The following MAPK9 variants were observed in gnomAD, a reference collection of about 807,000 sequenced individuals.
The protein encoded by MAPK9 is Jun kinase.
Under a neutral mutation model 57.1 loss-of-function variants are expected in MAPK9, and 30 were observed. That is an observed-to-expected ratio of 0.53 (90% CI 0.39 to 0.71). The LOEUF is 0.71. Among genes scored for constraint, MAPK9 ranks in the 30% least tolerant of loss-of-function variants. MAPK9 has a pLI of 0.00. For synonymous variants in MAPK9, 155 were observed against 177.0 expected (o/e 0.88, Z 0.99); for missense variants, 362 against 521.0 (o/e 0.69, Z 2.97).
intron 7 of MAPK9, among the ~76,000 whole-genome samples, chr5:180,245,691 C>T (rs2127579708): frequency 6.6e-6 from 1 of 152,310 alleles, no homozygotes; most frequent in East Asian, 1.9e-4. Flanking sequence ...GAAACCAAGG[C>T]TCAGAGAGGC....
chr5:180,267,090 A>T (rs1438871140), intron 3 of MAPK9, among the ~76,000 whole-genome samples: 1 of 152,240 alleles, frequency 6.6e-6, no homozygotes, highest in East Asian at 1.9e-4. Context: ...AGGATGAAGA[A>T]TAACACGATT....
Position 180,291,995 on chromosome 5 carries a change from C to A in MAPK9, c.-195G>T, listed in dbSNP as rs1028743183. 1 of 156,274 alleles carries A rather than the reference C, an allele frequency of 6.4e-6. No homozygotes were observed. Among genetic ancestry groups the A allele is most frequent in the Non-Finnish European group, 1.3e-5 (1 of 74,182 alleles). 9.7% of individuals were successfully genotyped at this position (156,274 alleles called of 1,614,324 possible). A position where few individuals can be genotyped will look rare whatever the true frequency, so the allele number is the denominator to read the frequency against. On this transcript the variant is annotated 5_prime_UTR_variant, in exon 1 of 12. Transcript: ENST00000452135. ...CCCGCCGCCGCCGCCGCCGCCGCCG[C>A]CGCAGTGGGTGTGAGGGGCGCCGGG... is the stretch of plus-strand genomic sequence containing the variant.
intron 7 of MAPK9, 102 bp from the exon 8 acceptor site, chr5:180,242,857 C>T: frequency 1.2e-6 from 1 of 802,702 alleles, no homozygotes; most frequent in Non-Finnish European, 1.9e-6. Flanking sequence ...CTAGGCCACC[C>T]CACTGGATCA....
At chr5:180,243,587 T>C (rs1265243873) in intron 7 of MAPK9, among the ~76,000 whole-genome samples, 1 of 152,162 alleles carries the variant, frequency 6.6e-6, no homozygotes. Flanking sequence ...CTTAAAAAAG[T>C]GCTCACTGAG....
intron 7 of MAPK9, chr5:180,245,915 G>A (rs986880525): frequency 1.3e-5 from 2 of 152,180 alleles, no homozygotes; most frequent in Non-Finnish European, 2.9e-5. Flanking sequence ...ATATTTGAAA[G>A]AGTTGGCAAA....
At chr5:180,252,554 T>C (rs533911813) in intron 5 of MAPK9, among the ~76,000 whole-genome samples, 36 of 152,108 alleles carry the variant, frequency 2.4e-4, no homozygotes, top group Non-Finnish European at 4.7e-4. Flanking sequence ...TGATTTACTA[T>C]CTTGGGGGCA....
Position 180,249,124 on chromosome 5 carries a change from G to T in MAPK9, c.465C>A (p.Ser155Arg). 1 of 1,607,034 alleles carries T rather than the reference G, an allele frequency of 6.2e-7. No individual in the cohort carries two copies. Among genetic ancestry groups the T allele is most frequent in the Admixed American group, 1.7e-5 (1 of 58,200 alleles). ...TGCAGTCTGATTTCACAACAATGTT[G>T]CTAGGCTTCAAATCCTAGGAAAGAA... ...AGIIHRDLKP[S>R]NIVVKSDCTL... Residue 155 changes from serine to arginine, a missense_variant, in exon 6 of 12, where the codon AGC (serine) becomes AGA (arginine). Physicochemically the swap from Ser to Arg is moderately radical, Grantham distance 110 (BLOSUM62 -1). Coordinates refer to ENST00000452135, the MANE Select transcript of MAPK9 (RefSeq NM_002752.5).
intron 5 of MAPK9, among the ~76,000 whole-genome samples, chr5:180,250,888 G>C (rs1473966446): frequency 6.6e-6 from 1 of 152,194 alleles, no homozygotes; most frequent in Non-Finnish European, 1.5e-5. Context: ...CCAGGGAGAA[G>C]CAGCCCACAT....
chr5:180,264,264 C>G (rs758847501), intron 4 of MAPK9, among the ~76,000 whole-genome samples: 16 of 152,166 alleles, frequency 1.1e-4, no homozygotes, highest in Non-Finnish European at 1.8e-4. Context: ...AGAGAGTGCC[C>G]AGCACACAGA....
At chr5:180,282,001 C>T (rs907854626) in intron 1 of MAPK9, among the ~76,000 whole-genome samples, 1 of 152,196 alleles carries the variant, frequency 6.6e-6, no homozygotes, top group African/African-American at 2.4e-5. Context: ...GAACACCTGC[C>T]TAGCCCACAC....
intron 1 of MAPK9, among the ~76,000 whole-genome samples, chr5:180,281,098 C>T (rs961974203): frequency 6.6e-6 from 1 of 152,200 alleles, no homozygotes; most frequent in African/African-American, 2.4e-5. Context: ...AACCAAAAAG[C>T]AAGATTCATA....
intron 4 of MAPK9, chr5:180,262,898 G>A (rs13164011): frequency 1.3e-5 from 2 of 152,130 alleles, no homozygotes; most frequent in African/African-American, 4.8e-5. Flanking sequence ...CTAACTTCTC[G>A]CTGTCAAAAT....
rs534149995 is a variant in MAPK9, at chr5:180,278,386, T to C, written c.122+2054A>G. 2.6e-5 allele frequency among the ~76,000 whole-genome samples: 4 copies of C among 152,334 alleles called. No homozygotes were observed. In the South Asian group the frequency reaches 8.3e-4, roughly 32 times the overall value. On this transcript the variant is annotated intron_variant, in intron 2 of 11. Transcript: ENST00000452135. ...CAAGTGAATGACATGCCAGCTGGGA[T>C]AAATGAAGCACGTATTTAAAACAGC...
intron 5 of MAPK9, among the ~76,000 whole-genome samples, chr5:180,251,293 C>T (rs1426500614): frequency 2.0e-5 from 3 of 152,094 alleles, no homozygotes; most frequent in Non-Finnish European, 2.9e-5. Context: ...ACAGCACGGC[C>T]GCAGGAGCAA....
At chr5:180,275,270 A>G (rs1282399498) in intron 2 of MAPK9, among the ~76,000 whole-genome samples, 1 of 152,078 alleles carries the variant, frequency 6.6e-6, no homozygotes, top group Non-Finnish European at 1.5e-5. Flanking sequence ...AAGAATTTAA[A>G]TTTATTTCTA....
chr5:180,271,378 C>T (rs1761296231), intron 2 of MAPK9, among the ~76,000 whole-genome samples: 1 of 152,180 alleles, frequency 6.6e-6, no homozygotes, highest in African/African-American at 2.4e-5. Flanking sequence ...AATGATTCAC[C>T]TACTCCCCAT....
chr5:180,252,857 C>T (rs1023846834), intron 5 of MAPK9, among the ~76,000 whole-genome samples: 3 of 150,266 alleles, frequency 2.0e-5, no homozygotes, highest in Non-Finnish European at 3.0e-5. Context: ...GCAGAGAGAC[C>T]ACAGTGACAG....
intron 5 of MAPK9, among the ~76,000 whole-genome samples, chr5:180,256,145 G>A (rs1226404184): frequency 6.6e-6 from 1 of 152,186 alleles, no homozygotes; most frequent in East Asian, 1.9e-4. Context: ...CCATCTCCAG[G>A]TGCTAACAGA....
At chr5:180,276,750 A>T (rs1423962587) in intron 2 of MAPK9, among the ~76,000 whole-genome samples, 1 of 152,206 alleles carries the variant, frequency 6.6e-6, no homozygotes, top group Non-Finnish European at 1.5e-5. Context: ...GCTACTCGGG[A>T]GGCTGAGGCA....
Sources: allele counts gnomAD v4.1 joint callset (sites outside exome capture counted in the v4.1 genomes callset), GRCh38; gene constraint gnomAD v4.1.1; transcripts MANE v1.5; gene names NCBI Gene and HGNC (gene_info 2026-07-23, HGNC 2026-07-21).